The following SLC2A13 variants were observed in gnomAD, a reference collection of about 807,000 sequenced individuals.
The protein encoded by SLC2A13 is solute carrier family 2 member 13.
In SLC2A13, 32 loss-of-function variants were observed where a neutral mutation model predicts 64.4. That is an observed-to-expected ratio of 0.50 (90% CI 0.37 to 0.67). The LOEUF is 0.67. SLC2A13 is among the 30% of genes least tolerant of loss of function. The probability of loss-of-function intolerance (pLI) is 0.00; values close to 1 mark genes in which losing one functional copy is unlikely to be tolerated. For missense variants in SLC2A13, 743 were observed against 829.2 expected (o/e 0.90, Z 1.28); for synonymous variants, 338 against 327.1 (o/e 1.03, Z -0.36).
At chr12:39,766,821 T>C (rs534661849) in intron 7 of SLC2A13, among the ~76,000 whole-genome samples, 1 of 152,222 alleles carries the variant, frequency 6.6e-6, no homozygotes, top group East Asian at 1.9e-4. Flanking sequence ...GTTCAAGTTT[T>C]ATCATGAGAT....
At chr12:39,968,155 G>A (rs1349718597) in intron 3 of SLC2A13, among the ~76,000 whole-genome samples, 1 of 152,146 alleles carries the variant, frequency 6.6e-6, no homozygotes, top group Admixed American at 6.5e-5. Context: ...GCATGGTTTG[G>A]GAGGCCTCAG....
chr12:39,981,470 A>T (rs1226617464), intron 3 of SLC2A13, among the ~76,000 whole-genome samples: 3 of 151,538 alleles, frequency 2.0e-5, no homozygotes, highest in African/African-American at 7.3e-5. Context: ...TCAAATGGAC[A>T]CAATAAAAAA....
chr12:39,901,820 G>A (rs550158688), intron 4 of SLC2A13, among the ~76,000 whole-genome samples: 41 of 145,090 alleles, frequency 2.8e-4, no homozygotes, highest in African/African-American at 1.1e-3. Flanking sequence ...AATACCATTT[G>A]ACCCAGCCAT....
chr12:39,805,446 A>G (rs1941948357), intron 7 of SLC2A13, among the ~76,000 whole-genome samples: 1 of 151,910 alleles, frequency 6.6e-6, no homozygotes, highest in South Asian at 2.1e-4. Context: ...GAAGGAGCAC[A>G]GACAGGATAA....
At chr12:39,955,408 A>G (rs1946298608) in intron 3 of SLC2A13, among the ~76,000 whole-genome samples, 1 of 152,198 alleles carries the variant, frequency 6.6e-6, no homozygotes, top group Non-Finnish European at 1.5e-5. Flanking sequence ...AAAAAGACAG[A>G]CGAGTGAAAC....
At chr12:39,858,918 T>C (rs961800304) in intron 6 of SLC2A13, among the ~76,000 whole-genome samples, 2 of 152,146 alleles carry the variant, frequency 1.3e-5, no homozygotes, top group Admixed American at 6.5e-5. Flanking sequence ...TTTTACACAT[T>C]TCTAAGGTTG....
chr12:39,844,841 A>C (rs1424503447), intron 6 of SLC2A13, among the ~76,000 whole-genome samples: 1 of 152,072 alleles, frequency 6.6e-6, no homozygotes. Context: ...TAGTTTCTTA[A>C]GTAGTTAATT....
At chr12:40,015,876 A>G (rs28370775) in intron 3 of SLC2A13, among the ~76,000 whole-genome samples, 3,539 of 152,342 alleles carry the variant, frequency 0.023, 145 homozygotes, top group African/African-American at 0.08. Flanking sequence ...GATGATAATA[A>G]TAACGATTTC....
intron 7 of SLC2A13, among the ~76,000 whole-genome samples, chr12:39,820,407 T>A (rs957351137): frequency 6.6e-6 from 1 of 152,292 alleles, no homozygotes; most frequent in South Asian, 2.1e-4. Context: ...GGTTCATGAA[T>A]GTCTATGCAT....
chr12:39,864,611 C>A, intron 6 of SLC2A13, 151 bp downstream of exon 6: 2 of 1,044,146 alleles, frequency 1.9e-6, no homozygotes, highest in East Asian at 5.5e-5. Flanking sequence ...CTAGGGGCCC[C>A]TCTCTACCAC....
chr12:39,988,696 A>AG (rs1565578543), intron 3 of SLC2A13, among the ~76,000 whole-genome samples: 3 of 40,024 alleles, frequency 7.5e-5, no homozygotes, highest in South Asian at 2.1e-3. Context: ...GGAGGGAGGA[A>AG]GGAAGGAAGG....
In SLC2A13 at chr12:40,007,187, C is replaced by T. The variant is rs576271695; in HGVS notation, c.925+21114G>A. ...ATGTGAAGTGGGCACATAGATGCTG[C>T]GAGAAGGGAACTCATTCATAATTTT... On this transcript the variant is annotated intron_variant, in intron 3 of 9. Coordinates refer to ENST00000280871, the MANE Select transcript of SLC2A13 (RefSeq NM_052885.4). Among the ~76,000 whole-genome samples the T allele has an allele frequency of 9.2e-5, 14 of 152,144 alleles. No homozygotes were observed. The East Asian group carries it at 2.1e-3, about 23-fold the overall frequency.
chr12:39,820,194 GT>G (rs1476152196), intron 7 of SLC2A13, among the ~76,000 whole-genome samples: 1 of 152,102 alleles, frequency 6.6e-6, no homozygotes, highest in African/African-American at 2.4e-5. Flanking sequence ...AATAAAGTTG[GT>G]TAATCCTTGG....
intron 5 of SLC2A13, 35 bp downstream of exon 5, chr12:39,871,763 A>C (rs1944062655): frequency 7.7e-6 from 12 of 1,557,250 alleles, no homozygotes; most frequent in Non-Finnish European, 1.0e-5. Context: ...TTAGGAAATA[A>C]AGTTTATAAT....
intron 4 of SLC2A13, among the ~76,000 whole-genome samples, chr12:39,878,148 C>T (rs767753034): frequency 5.3e-5 from 8 of 152,188 alleles, no homozygotes; most frequent in African/African-American, 1.4e-4. Flanking sequence ...CCAATTATAC[C>T]TCTTTTCTTC....
At chr12:39,856,890 T>C (rs1166702133) in intron 6 of SLC2A13, among the ~76,000 whole-genome samples, 2 of 152,244 alleles carry the variant, frequency 1.3e-5, no homozygotes, top group Non-Finnish European at 2.9e-5. Flanking sequence ...GGGCCTTGTT[T>C]CATATTTATA....
At chr12:39,813,211 C>T (rs1399136122) in intron 7 of SLC2A13, among the ~76,000 whole-genome samples, 3 of 151,492 alleles carry the variant, frequency 2.0e-5, no homozygotes, top group Non-Finnish European at 4.4e-5. Flanking sequence ...TTTTTGCATT[C>T]CATTTTATCT....
intron 2 of SLC2A13, among the ~76,000 whole-genome samples, chr12:40,034,630 G>C (rs1471325208): frequency 6.6e-6 from 1 of 152,128 alleles, no homozygotes; most frequent in Non-Finnish European, 1.5e-5. Flanking sequence ...AGCCCATTCT[G>C]AATAGCTCAG....
chr12:40,077,589 C>T (rs374796379), intron 1 of SLC2A13, among the ~76,000 whole-genome samples: 5 of 152,026 alleles, frequency 3.3e-5, no homozygotes, highest in African/African-American at 7.2e-5. Context: ...TAGGATGATG[C>T]CTCTGGCTTT....
Sources: allele counts gnomAD v4.1 joint callset (sites outside exome capture counted in the v4.1 genomes callset), GRCh38; gene constraint gnomAD v4.1.1; transcripts MANE v1.5; gene names NCBI Gene and HGNC (gene_info 2026-07-23, HGNC 2026-07-21).